PLXNA4: variants seen among roughly 807,000 people sequenced by gnomAD.
The protein encoded by PLXNA4 is plexin A4.
A neutral mutation model predicts 191.8 loss-of-function variants in PLXNA4; 44 were observed. That is an observed-to-expected ratio of 0.23 (90% CI 0.18 to 0.29). The LOEUF (loss-of-function observed/expected upper bound fraction) is 0.29. PLXNA4 is among the 10% of genes least tolerant of loss of function. The pLI, the probability that PLXNA4 is intolerant of heterozygous loss-of-function variation, is 1.00. For synonymous variants in PLXNA4, 1,082 were observed against 1,009.5 expected (o/e 1.07, Z -1.36); for missense variants, 1,800 against 2,488.8 (o/e 0.72, Z 5.89).
chr7:132,546,589 T>C (rs540081714), intron 1 of PLXNA4, among the ~76,000 whole-genome samples: 1 of 152,304 alleles, frequency 6.6e-6, no homozygotes, highest in African/African-American at 2.4e-5. Flanking sequence ...TGGTAATCCC[T>C]TGAGTGCTAA....
intron 3 of PLXNA4, among the ~76,000 whole-genome samples, chr7:132,345,835 G>A (rs531911617): frequency 2.6e-5 from 4 of 152,220 alleles, no homozygotes; most frequent in South Asian, 2.1e-4. Flanking sequence ...TCAAAGGACC[G>A]CAGCATGGCA....
At chr7:132,505,406 A>C (rs572428088) in intron 2 of PLXNA4, among the ~76,000 whole-genome samples, 1 of 152,306 alleles carries the variant, frequency 6.6e-6, no homozygotes, top group South Asian at 2.1e-4. Context: ...TCGCCCAAAA[A>C]GTCAGGGTTT....
chr7:132,309,610 G>A (rs1000305096), intron 3 of PLXNA4, among the ~76,000 whole-genome samples: 4 of 152,108 alleles, frequency 2.6e-5, no homozygotes, highest in African/African-American at 9.7e-5. Flanking sequence ...GGTGTGCAAG[G>A]ATGCTGGGGC....
At chr7:132,155,516 C>T (rs911434311) in intron 25 of PLXNA4, among the ~76,000 whole-genome samples, 2 of 152,220 alleles carry the variant, frequency 1.3e-5, no homozygotes, top group African/African-American at 4.8e-5. Context: ...GTAGGATCTT[C>T]TCGTGTTTGT....
intron 3 of PLXNA4, among the ~76,000 whole-genome samples, chr7:132,325,111 G>C (rs751414045): frequency 1.7e-4 from 26 of 152,020 alleles, no homozygotes; most frequent in Non-Finnish European, 3.4e-4. Flanking sequence ...TATTCTTCTG[G>C]GTAACTTTTA....
At chr7:132,419,136 T>C (rs987794427) in intron 3 of PLXNA4, among the ~76,000 whole-genome samples, 4 of 152,168 alleles carry the variant, frequency 2.6e-5, no homozygotes, top group African/African-American at 4.8e-5. Context: ...CATTCCTCAT[T>C]CATTCCCAGA....
intron 3 of PLXNA4, among the ~76,000 whole-genome samples, chr7:132,403,410 T>A (rs1033489678): frequency 2.6e-5 from 4 of 152,188 alleles, no homozygotes; most frequent in African/African-American, 9.7e-5. Context: ...GCTGGCAGCG[T>A]GAGCCTAAAA....
intron 3 of PLXNA4, chr7:132,385,221 C>T (rs776866494): frequency 1.2e-6 from 2 of 1,614,028 alleles, no homozygotes; most frequent in Non-Finnish European, 1.7e-6. Context: ...ACAGGAGTTC[C>T]AGAGTCACTG....
rs939126856 is a variant in PLXNA4 at position 132,126,649 on chromosome 7, G to C, written c.*3830C>G. On this transcript the variant is annotated 3_prime_UTR_variant, in exon 32 of 32. Coordinates refer to ENST00000321063, the MANE Select transcript of PLXNA4 (RefSeq NM_020911.2). Reference sequence around the variant, plus strand: ...GTGGGTAACTCCTGCTTCTTCCTGGGAACAGTCCTGGACAGTCTGCCTCAA... The same window carrying C: ...GTGGGTAACTCCTGCTTCTTCCTGGCAACAGTCCTGGACAGTCTGCCTCAA... 14 of 151,658 alleles carry C rather than the reference G, an allele frequency of 9.2e-5. No individual in the cohort carries two copies. The highest frequency in any genetic ancestry group is 3.1e-4 in the African/African-American group (13 of 41,488). The allele number at this position is 151,658 out of a possible 1,614,324, so 9.4% of individuals were successfully genotyped here.
intron 1 of PLXNA4, among the ~76,000 whole-genome samples, chr7:132,531,755 T>C (rs1373843413): frequency 6.6e-6 from 1 of 152,216 alleles, no homozygotes; most frequent in African/African-American, 2.4e-5. Flanking sequence ...TAACGATGCA[T>C]CAGAATCACC....
chr7:132,562,037 C>CT (rs1801165301), intron 1 of PLXNA4, among the ~76,000 whole-genome samples: 2 of 106,848 alleles, frequency 1.9e-5, no homozygotes, highest in Non-Finnish European at 2.1e-5. Flanking sequence ...CCTTCTCCTC[C>CT]TCTTCCTCCT....
At chr7:132,319,132 AT>A (rs1489584063) in intron 3 of PLXNA4, among the ~76,000 whole-genome samples, 1 of 152,054 alleles carries the variant, frequency 6.6e-6, no homozygotes, top group African/African-American at 2.4e-5. Context: ...ATTCTTCTCT[AT>A]TTCCCCTAAT....
chr7:132,370,074 A>T (rs1234314623), intron 3 of PLXNA4, among the ~76,000 whole-genome samples: 1 of 151,998 alleles, frequency 6.6e-6, no homozygotes, highest in African/African-American at 2.4e-5. Context: ...ACTCAAAAAA[A>T]AAAAAAAAAA....
intron 1 of PLXNA4, among the ~76,000 whole-genome samples, chr7:132,540,077 T>C (rs1433232770): frequency 6.6e-6 from 1 of 152,092 alleles, no homozygotes; most frequent in Non-Finnish European, 1.5e-5. Flanking sequence ...ATCCAGAGGG[T>C]CAGGGATGCT....
chr7:132,609,368 A>G (rs1255507338), intron 2 of PLXNA4, among the ~76,000 whole-genome samples: 1 of 152,064 alleles, frequency 6.6e-6, no homozygotes, highest in African/African-American at 2.4e-5. Flanking sequence ...TGTGGTTGTA[A>G]GTCCTGCAGA....
intron 29 of PLXNA4, among the ~76,000 whole-genome samples, chr7:132,141,658 T>C (rs765322080): frequency 6.6e-6 from 1 of 152,200 alleles, no homozygotes; most frequent in African/African-American, 2.4e-5. Context: ...GAGGGCAGTG[T>C]CCAGAATGCC....
At chr7:132,354,978 C>T (rs572728856) in intron 3 of PLXNA4, among the ~76,000 whole-genome samples, 4 of 152,200 alleles carry the variant, frequency 2.6e-5, no homozygotes, top group Non-Finnish European at 5.9e-5. Context: ...TCCAAGTACT[C>T]CTTCCTTAGG....
chr7:132,642,585 AG>A (rs1255135948), intron 2 of PLXNA4, among the ~76,000 whole-genome samples: 1 of 151,994 alleles, frequency 6.6e-6, no homozygotes, highest in Non-Finnish European at 1.5e-5. Flanking sequence ...AGGGCGAGGG[AG>A]GGGGGAACGA....
chr7:132,624,175 TTGCAAGAC>T lies in PLXNA4; in HGVS notation c.-87+21745_-87+21752del, dbSNP rs568901303. On this transcript the variant is annotated intron_variant, in intron 2 of 4. Coordinates refer to the PLXNA4 transcript ENST00000378539. ...TGCCACAAAGCTAGTCCCAAGGCAG[TTGCAAGAC>T]TGGAACCACATCTTCAGGCTCCAAG... 4.4e-3 allele frequency among the ~76,000 whole-genome samples: 675 copies of T among 152,322 alleles called. 8 individuals carry two copies. The highest frequency in any genetic ancestry group is 0.016 in the African/African-American group (646 of 41,578).
Sources: gnomAD v4.1 joint callset for allele counts (sites outside exome capture counted in the v4.1 genomes callset) on GRCh38, gnomAD v4.1.1 for gene constraint, MANE v1.5 for transcripts, NCBI Gene and HGNC (gene_info 2026-07-23, HGNC 2026-07-21) for gene names.